Variants in AAMDC observed in about 807,000 individuals in gnomAD.
AAMDC encodes adipogenesis associated Mth938 domain containing, also known as mth938 domain-containing protein.
A neutral mutation model predicts 15.5 loss-of-function variants in AAMDC; 16 were observed. That is an observed-to-expected ratio of 1.03 (90% CI 0.70 to 1.57). The LOEUF (loss-of-function observed/expected upper bound fraction) is 1.57, where lower values mean the gene tolerates loss of function less well. Among genes scored for constraint, AAMDC ranks in the 40% most tolerant of loss-of-function variants. AAMDC has a pLI of 0.00. For synonymous variants in AAMDC, 51 were observed against 51.6 expected, an observed-to-expected ratio of 0.99 and a Z score of 0.05; for missense variants, 141 against 144.9, an observed-to-expected ratio of 0.97 and a Z score of 0.14.
chr11:77,899,354 A>AG (rs1555021486), intron 5 of AAMDC, among the ~76,000 whole-genome samples: 2 of 152,124 alleles, frequency 1.3e-5, no homozygotes, highest in Non-Finnish European at 2.9e-5. Flanking sequence ...AAGAAAAAAA[A>AG]GAAAAAAGCA....
intron 1 of AAMDC, among the ~76,000 whole-genome samples, chr11:77,825,731 G>A (rs143258859): frequency 0.037 from 5,439 of 147,034 alleles, 301 homozygotes; most frequent in African/African-American, 0.12. Context: ...TCACTCTGTC[G>A]CCCTGGCTGG....
chr11:77,891,693 C>T (rs4144307), intron 5 of AAMDC: 10 of 1,611,798 alleles, frequency 6.2e-6, no homozygotes, highest in Admixed American at 5.0e-5. Context: ...GCTCTGGAAG[C>T]GGGAGATGCA....
intron 5 of AAMDC, among the ~76,000 whole-genome samples, chr11:77,882,647 G>C (rs190419313): frequency 2.3e-3 from 346 of 152,226 alleles, no homozygotes; most frequent in African/African-American, 7.9e-3. Flanking sequence ...GCACGTCCTG[G>C]GTAGCAGAAC....
chr11:77,826,343 C>CAT (rs934806284), intron 1 of AAMDC, among the ~76,000 whole-genome samples: 20 of 150,558 alleles, frequency 1.3e-4, no homozygotes, highest in African/African-American at 4.6e-4. Context: ...GCCTGGGTGA[C>CAT]AGAGTGAGAC....
chr11:77,828,763 G>A (rs35550027), intron 1 of AAMDC, among the ~76,000 whole-genome samples: 18,031 of 152,126 alleles, frequency 0.12, 1,471 homozygotes, highest in Non-Finnish European at 0.17. Flanking sequence ...TCATGGATTG[G>A]AAGATTTAAT....
chr11:77,855,720 CTT>C (rs374235923), intron 2 of AAMDC, among the ~76,000 whole-genome samples: 19 of 127,962 alleles, frequency 1.5e-4, no homozygotes, highest in Admixed American at 4.2e-4. Context: ...AGTTTTATGT[CTT>C]TTTTTTTTTT....
chr11:77,872,472 C>T (rs1215176225), downstream of AAMDC: 1 of 836,214 alleles, frequency 1.2e-6, no homozygotes, highest in Non-Finnish European at 1.7e-6. Context: ...GACAAGGTCC[C>T]TGTCCTTGAG....
chr11:77,841,749 C>T (rs1949942494), intron 1 of AAMDC, among the ~76,000 whole-genome samples: 1 of 152,176 alleles, frequency 6.6e-6, no homozygotes, highest in South Asian at 2.1e-4. Flanking sequence ...GTGGCTGTGT[C>T]ATCCCTGGGA....
At chr11:77,890,931 G>C (rs1353889774) in intron 5 of AAMDC, among the ~76,000 whole-genome samples, 1 of 152,130 alleles carries the variant, frequency 6.6e-6, no homozygotes, top group African/African-American at 2.4e-5. Flanking sequence ...TTATCTGCCA[G>C]CCGACTGACT....
rs1029731027 is a variant in AAMDC, at chr11:77,879,225, G to A, written c.328+2176G>A. ...GAAATATCAAAATGGAAGCAGTAGG[G>A]AGAAATTTCTTCATCCGTCTACATT... On this transcript the variant is annotated intron_variant, in intron 5 of 5. Transcript: ENST00000304716. 2.3e-5 allele frequency: 31 copies of A among 1,338,108 alleles called. No homozygotes were observed. The African/African-American group carries it at 3.1e-4, about 13-fold the overall frequency. The allele number at this position is 1,338,108 out of a possible 1,614,324, so 82.9% of individuals were successfully genotyped here. A position where few individuals can be genotyped will look rare whatever the true frequency, so the allele number is the denominator to read the frequency against.
chr11:77,884,902 G>A (rs1016277303), intron 5 of AAMDC: 17 of 240,618 alleles, frequency 7.1e-5, no homozygotes, highest in African/African-American at 1.6e-4. Context: ...TTACAGGCAC[G>A]TGCCACCACG....
At chr11:77,832,951 ATGTGTGTGTGTGTGTGTGTGTGTGTG>A (rs146936151) in intron 1 of AAMDC, among the ~76,000 whole-genome samples, 1 of 68,418 alleles carries the variant, frequency 1.5e-5, no homozygotes, top group Non-Finnish European at 2.6e-5. Context: ...GTATATATAT[ATGTGTGTGTGTGTGTGTGTGTGTGTG>A]TGTGTGTGTG....
At chr11:77,852,766 C>A (rs1337252717) in intron 2 of AAMDC, among the ~76,000 whole-genome samples, 1 of 151,424 alleles carries the variant, frequency 6.6e-6, no homozygotes, top group African/African-American at 2.4e-5. Flanking sequence ...AATTTTTTTT[C>A]TTTTTTTCCC....
intron 1 of AAMDC, among the ~76,000 whole-genome samples, chr11:77,822,823 A>T (rs1455295307): frequency 3.3e-5 from 5 of 152,264 alleles, no homozygotes; most frequent in African/African-American, 1.2e-4. Context: ...TCTAAAGAAC[A>T]CTGTAAATGT....
chr11:77,842,943 A>C (rs925716609), intron 2 of AAMDC, among the ~76,000 whole-genome samples: 14 of 152,172 alleles, frequency 9.2e-5, no homozygotes, highest in African/African-American at 3.4e-4. Context: ...TACCACTCCT[A>C]GCCCCTAGAA....
chr11:77,869,613 C>A, intron 2 of AAMDC, 109 bp from the exon 3 acceptor site: 1 of 1,088,248 alleles, frequency 9.2e-7, no homozygotes, highest in Non-Finnish European at 1.4e-6. Context: ...ATGCTTGGCA[C>A]AAAGTGAACC....
At chr11:77,874,840 C>T (rs1017203455), downstream of AAMDC, among the ~76,000 whole-genome samples, 1 of 152,118 alleles carries the variant, frequency 6.6e-6, no homozygotes, top group Non-Finnish European at 1.5e-5. Flanking sequence ...AGTTCGAGAC[C>T]AGCCTGGCCA....
At chr11:77,877,561 C>T (rs1021937853) in intron 5 of AAMDC, among the ~76,000 whole-genome samples, 4 of 152,162 alleles carry the variant, frequency 2.6e-5, no homozygotes, top group African/African-American at 9.7e-5. Flanking sequence ...CCATATACTT[C>T]CCCTGAGGTG....
chr11:77,891,526 CT>C (rs1952266384), intron 5 of AAMDC: 3 of 1,594,746 alleles, frequency 1.9e-6, no homozygotes, highest in South Asian at 1.1e-5. Context: ...GAAAACGCAT[CT>C]TTTTTCTGTC....
Sources: allele counts gnomAD v4.1 joint callset (sites outside exome capture counted in the v4.1 genomes callset), GRCh38; gene constraint gnomAD v4.1.1; transcripts MANE v1.5; gene names NCBI Gene and HGNC (gene_info 2026-07-23, HGNC 2026-07-21).